Variants in C5orf22 observed in about 807,000 individuals in gnomAD.
The protein encoded by C5orf22 is UPF0489 protein C5orf22.
Under a neutral mutation model 48.7 loss-of-function variants are expected in C5orf22, and 36 were observed. The ratio of observed to expected loss-of-function variants is 0.74; its 90% confidence interval spans 0.57 to 0.98. The LOEUF is 0.98. C5orf22 is among the 50% of genes least tolerant of loss of function. The probability of loss-of-function intolerance (pLI) is 0.00; values close to 1 mark genes in which losing one functional copy is unlikely to be tolerated. For synonymous variants in C5orf22, 141 were observed against 180.8 expected (o/e 0.78, Z 1.76); for missense variants, 486 against 521.9 (o/e 0.93, Z 0.67).
intron 6 of C5orf22, among the ~76,000 whole-genome samples, chr5:31,544,760 C>T (rs530423581): frequency 2.6e-4 from 39 of 152,026 alleles, no homozygotes; most frequent in Non-Finnish European, 2.4e-4. Flanking sequence ...CATAGCAAGA[C>T]CCTATCTCTA....
At chr5:31,542,599 G>A (rs932616824) in intron 6 of C5orf22, among the ~76,000 whole-genome samples, 5 of 152,132 alleles carry the variant, frequency 3.3e-5, no homozygotes, top group African/African-American at 1.2e-4. Context: ...TATTTGACTG[G>A]CTGTTCATAT....
At chr5:31,552,269 A>G (rs1743327949) in intron 8 of C5orf22, among the ~76,000 whole-genome samples, 1 of 152,198 alleles carries the variant, frequency 6.6e-6, no homozygotes, top group East Asian at 1.9e-4. Flanking sequence ...ACATCGCCAC[A>G]TTTCATTTTG....
At chr5:31,534,025 C>G (rs1305883759) in intron 1 of C5orf22, among the ~76,000 whole-genome samples, 1 of 152,160 alleles carries the variant, frequency 6.6e-6, no homozygotes, top group Admixed American at 6.5e-5. Flanking sequence ...CCCCACATGA[C>G]CTGTTGAGTT....
intron 3 of C5orf22, among the ~76,000 whole-genome samples, chr5:31,537,198 CAG>C: frequency 6.6e-6 from 1 of 152,312 alleles, no homozygotes; most frequent in East Asian, 1.9e-4. Context: ...CAATCTGACA[CAG>C]ACATTTGAAA....
At chr5:31,540,270 G>A (rs778855676) in intron 4 of C5orf22, among the ~76,000 whole-genome samples, 3 of 152,130 alleles carry the variant, frequency 2.0e-5, no homozygotes, top group African/African-American at 7.2e-5. Context: ...TAGCCCTTGG[G>A]TATAACCTTT....
At chr5:31,533,208 C>G (rs575081727) in intron 1 of C5orf22, among the ~76,000 whole-genome samples, 97 of 152,206 alleles carry the variant, frequency 6.4e-4, no homozygotes, top group African/African-American at 2.2e-3. Flanking sequence ...CCCCCGCCGG[C>G]CTCCCAAAGT....
rs1474352143 is a variant in C5orf22 at position 31,532,324 on chromosome 5, G to A, written c.-69G>A. 3.2e-6 allele frequency: 5 copies of A among 1,540,602 alleles called. No homozygotes were observed. The African/African-American group carries it at 4.1e-5, about 13-fold the overall frequency. ...CCGCCCGGAGAGAGCTGGCCGGGAT[G>A]AGGCGCCGGCTTTCCCGGGTCTTCT... On this transcript the variant is annotated 5_prime_UTR_variant, in exon 1 of 9. An upstream start codon of the reference 5' UTR is lost. Transcript: ENST00000325366.
At position 31,541,387 on chromosome 5, in the gene C5orf22, G is replaced by A. The variant is rs373643043; in HGVS notation, c.977G>A (p.Trp326Ter). ...DGDDEETVQR[W>*]ASNPGMESLV... ...GATGATGAAGAAACGGTACAGAGAT[G>A]GGCTTCAAACCCTGGGTAAGACTCT... The change falls in exon 6 of 9, where the codon TGG becomes TAG. Residue 326 changes from tryptophan to a stop codon, truncating the protein, a stop_gained. Coordinates refer to ENST00000325366, the MANE Select transcript of C5orf22 (RefSeq NM_018356.3). LOFTEE classifies it high-confidence loss of function. The A allele has an allele frequency of 1.9e-6, 3 of 1,613,670 alleles. No homozygotes were observed. The highest frequency in any genetic ancestry group is 1.7e-6 in the Non-Finnish European group (2 of 1,179,782).
intron 1 of C5orf22, 69 bp from the exon 2 acceptor site, chr5:31,534,203 C>A: frequency 1.6e-6 from 2 of 1,286,824 alleles, no homozygotes; most frequent in Non-Finnish European, 2.2e-6. Context: ...CATTGTTTTT[C>A]AGTCTGCAGT....
chr5:31,544,266 G>C (rs1380458689), intron 6 of C5orf22, among the ~76,000 whole-genome samples: 1 of 152,084 alleles, frequency 6.6e-6, no homozygotes, highest in Admixed American at 6.6e-5. Flanking sequence ...CTTCCAAAAG[G>C]TCCACCTAAA....
chr5:31,543,578 A>G (rs1196995298), intron 6 of C5orf22, among the ~76,000 whole-genome samples: 2 of 152,060 alleles, frequency 1.3e-5, no homozygotes, highest in African/African-American at 2.4e-5. Context: ...TCAAAAAAAG[A>G]AAGAAAAAAA....
chr5:31,536,872 C>G (rs1472153266), intron 3 of C5orf22, among the ~76,000 whole-genome samples: 1 of 152,070 alleles, frequency 6.6e-6, no homozygotes, highest in Non-Finnish European at 1.5e-5. Context: ...CTTTCTAGAA[C>G]CTTAAGGATA....
rs775106094 is a variant in C5orf22 at position 31,538,412 on chromosome 5, C to T, written c.530C>T (p.Ala177Val). ...NQEENDAVSS[A>V]KKPKLALEDS... is the part of the protein sequence containing the mutation. ...GAAGAAAACGATGCAGTGTCTTCTG[C>T]TAAGAAACCAAAGCTAGCCCTGGAA... Residue 177 changes from alanine to valine, a missense_variant, in exon 4 of 9, where the codon GCT becomes GTT. Transcript: ENST00000325366. 1.7e-5 allele frequency: 28 copies of T among 1,614,038 alleles called. No homozygotes were observed. The highest frequency in any genetic ancestry group is 1.2e-4 in the South Asian group (11 of 91,084).
intron 2 of C5orf22, chr5:31,535,117 T>C (rs1487439205): frequency 7.3e-6 from 3 of 408,454 alleles, no homozygotes; most frequent in African/African-American, 4.2e-5. Flanking sequence ...TATTCTTTGA[T>C]AGTGCGCCAA....
At chr5:31,547,291 C>G (rs964516305) in intron 7 of C5orf22, among the ~76,000 whole-genome samples, 23 of 152,246 alleles carry the variant, frequency 1.5e-4, no homozygotes, top group African/African-American at 5.5e-4. Context: ...TACAACCTCC[C>G]TCCTGGCTGT....
intron 2 of C5orf22, among the ~76,000 whole-genome samples, chr5:31,534,805 G>C (rs1741973586): frequency 6.6e-6 from 1 of 152,184 alleles, no homozygotes; most frequent in Non-Finnish European, 1.5e-5. Context: ...GAGGCCAGCA[G>C]TTCCAGGCTG....
chr5:31,537,178 T>C (rs1292784865), intron 3 of C5orf22, among the ~76,000 whole-genome samples: 1 of 152,200 alleles, frequency 6.6e-6, no homozygotes, highest in East Asian at 1.9e-4. Context: ...CAAAATCAAA[T>C]AATTTTCAGC....
rs373718097 is a variant in C5orf22 at position 31,541,289 on chromosome 5, G to T, written c.879G>T (p.Leu293Phe). The change falls in exon 6 of 9, where the codon TTG becomes TTT. Residue 293 changes from leucine to phenylalanine, a missense_variant. This residue lies in a region of C5orf22 where 408 missense variants were observed against 444.0 expected (regional missense o/e 0.92). Transcript: ENST00000325366. Reference sequence around the variant, plus strand: ...TTTCAATGTATTTAAAGGAAGATTTGGTAGATATTGTTGATACTCGAATTC... The same window carrying T: ...TTTCAATGTATTTAAAGGAAGATTTTGTAGATATTGTTGATACTCGAATTC... ...KPGTNLTEED[L>F]VDIVDTRIHQ... 6.2e-7 allele frequency: 1 copy of T among 1,610,366 alleles called. No homozygotes were observed.
chr5:31,532,586 A>T, intron 1 of C5orf22, 113 bp downstream of exon 1: 2 of 855,118 alleles, frequency 2.3e-6, no homozygotes, highest in Non-Finnish European at 3.7e-6. Context: ...AACCAGAGTT[A>T]AACTGCCCTA....
Sources: gnomAD v4.1 joint callset for allele counts (sites outside exome capture counted in the v4.1 genomes callset) on GRCh38, gnomAD v4.1.1 for gene constraint, gnomAD v4.1.1 regional missense constraint, MANE v1.5 for transcripts, NCBI Gene and HGNC (gene_info 2026-07-23, HGNC 2026-07-21) for gene names.